USP54: variants seen among roughly 807,000 people sequenced by gnomAD.
USP54 encodes ubiquitin specific peptidase 54.
In USP54, 87 loss-of-function variants were observed where a neutral mutation model predicts 170.5. The ratio of observed to expected loss-of-function variants is 0.51; its 90% CI spans 0.43 to 0.61. The LOEUF is 0.61. Among genes scored for constraint, USP54 ranks in the 20% least tolerant of loss-of-function variants. The pLI is 0.00. For synonymous variants in USP54, 655 were observed against 742.8 expected (o/e 0.88, Z 1.92); for missense variants, 1,786 against 2,047.8 (o/e 0.87, Z 2.47).
intron 18 of USP54, 148 bp downstream of exon 18, chr10:73,520,760 G>A (rs1238550453): frequency 9.1e-7 from 1 of 1,096,578 alleles, no homozygotes; most frequent in Non-Finnish European, 1.3e-6. Flanking sequence ...GAAATCAAAG[G>A]GCAAAAACAG....
chr10:73,550,293 T>C (rs1242788505), intron 4 of USP54, among the ~76,000 whole-genome samples: 2 of 152,280 alleles, frequency 1.3e-5, no homozygotes, highest in East Asian at 3.9e-4. Context: ...ACCATGTATA[T>C]CTCTGCACTT....
Position 73,516,609 on chromosome 10 carries a change from G to A in USP54, c.3817C>T (p.Gln1273Ter). ...WVNITRFCDSQLKHGAPRPGM... is the reference protein window; with the variant it reads ...WVNITRFCDS ...GGCCTAGGTGCCCCATGCTTAAGCTGAGAATCACAGAACCTTGTGATATTC... is the reference window on the plus strand; with the variant it reads ...GGCCTAGGTGCCCCATGCTTAAGCTAAGAATCACAGAACCTTGTGATATTC... Residue 1273 changes from glutamine to a stop codon, truncating the protein, a stop_gained, in exon 20 of 24, where the codon CAG becomes TAG. Coordinates refer to ENST00000687698, the MANE Select transcript of USP54 (RefSeq NM_001391956.1). LOFTEE classifies it high-confidence loss of function. The A allele has an allele frequency of 6.2e-7, 1 of 1,614,214 alleles. No homozygotes were observed. Among genetic ancestry groups the A allele is most frequent in the African/African-American group, 1.3e-5 (1 of 75,046 alleles).
At chr10:73,510,774 T>C (rs1057024560) in intron 20 of USP54, among the ~76,000 whole-genome samples, 1 of 152,158 alleles carries the variant, frequency 6.6e-6, no homozygotes, top group Non-Finnish European at 1.5e-5. Flanking sequence ...CTTTTGAATA[T>C]ATTTGAAATT....
rs2057410097 is a variant in USP54 at position 73,498,608 on chromosome 10, A to G, written c.*21T>C. 6.6e-7 allele frequency: 1 copy of G among 1,511,172 alleles called. No homozygotes were observed. The highest frequency in any genetic ancestry group is 2.3e-5 in the East Asian group (1 of 43,770). The allele number at this position is 1,511,172 out of a possible 1,614,324, so 93.6% of individuals were successfully genotyped here. ...GTTTTACAAAGAAAGGTGTAGCTCCAGGAAAGGAAAGGAATAACCTTTACC... is the reference window on the plus strand; with the variant it reads ...GTTTTACAAAGAAAGGTGTAGCTCCGGGAAAGGAAAGGAATAACCTTTACC... On this transcript the variant is annotated 3_prime_UTR_variant, in exon 24 of 24. Transcript: ENST00000687698.
chr10:73,501,014 C>G (rs375314786), intron 22 of USP54, among the ~76,000 whole-genome samples, 176 bp from the exon 23 acceptor site: 1 of 152,104 alleles, frequency 6.6e-6, no homozygotes, highest in African/African-American at 2.4e-5. Context: ...CCCTGCTAGC[C>G]CTCTAAGAAA....
intron 20 of USP54, among the ~76,000 whole-genome samples, chr10:73,511,688 G>A (rs1424417729): frequency 2.6e-5 from 4 of 151,070 alleles, no homozygotes; most frequent in African/African-American, 9.7e-5. Flanking sequence ...AAAAAGTAAT[G>A]TAATTTGGTG....
At chr10:73,544,612 C>T (rs1378846412) in intron 5 of USP54, among the ~76,000 whole-genome samples, 1 of 152,168 alleles carries the variant, frequency 6.6e-6, no homozygotes, top group East Asian at 1.9e-4. Context: ...TTTACATTCC[C>T]ACCAGCAATA....
intron 10 of USP54, 137 bp downstream of exon 10, chr10:73,539,307 A>T (rs529894537): frequency 0.035 from 9,818 of 279,966 alleles, 401 homozygotes; most frequent in African/African-American, 0.12. Context: ...AAAAAAAAAA[A>T]ATATATATAT....
chr10:73,574,479 T>G (rs2075786951), intron 3 of USP54, among the ~76,000 whole-genome samples: 1 of 152,082 alleles, frequency 6.6e-6, no homozygotes, highest in South Asian at 2.1e-4. Context: ...ATAACACACC[T>G]TACTCCCGAA....
At chr10:73,529,295 G>A (rs1198051943) in intron 15 of USP54, 3 of 254,540 alleles carry the variant, frequency 1.2e-5, no homozygotes, top group Non-Finnish European at 2.4e-5. Flanking sequence ...CAGGCCTATC[G>A]GAGGGTGGAG....
At chr10:73,515,481 T>G (rs941134157) in intron 20 of USP54, among the ~76,000 whole-genome samples, 1 of 152,200 alleles carries the variant, frequency 6.6e-6, no homozygotes, top group Non-Finnish European at 1.5e-5. Context: ...GCACTTCAGG[T>G]GCAGGCTCTA....
chr10:73,541,659 T>C lies in USP54; in HGVS notation c.652A>G (p.Thr218Ala). 6.2e-7 allele frequency: 1 copy of C among 1,614,186 alleles called. No individual in the cohort carries two copies. The highest frequency in any genetic ancestry group is 8.5e-7 in the Non-Finnish European group (1 of 1,180,010). ...GGACAGTTCCGCAGATCCCCCATGGTGCTGGCATTCTGCAGCAGCTCACCA... is the reference window on the plus strand; with the variant it reads ...GGACAGTTCCGCAGATCCCCCATGGCGCTGGCATTCTGCAGCAGCTCACCA... Reference protein sequence around the residue: ...MFGELLQNASTMGDLRNCPSN... With the variant: ...MFGELLQNASAMGDLRNCPSN... The change falls in exon 8 of 24, where the codon ACC (threonine) becomes GCC (alanine). Residue 218 changes from threonine to alanine, a missense_variant. Transcript: ENST00000687698.
chr10:73,537,469 T>C (rs2065466001), intron 10 of USP54, among the ~76,000 whole-genome samples: 1 of 152,154 alleles, frequency 6.6e-6, no homozygotes. Context: ...TCCTAACTCA[T>C]GCAGATCACA....
At chr10:73,608,265 CA>C (rs200584076) in intron 1 of USP54, among the ~76,000 whole-genome samples, 1 of 150,342 alleles carries the variant, frequency 6.7e-6, no homozygotes, top group Non-Finnish European at 1.5e-5. Context: ...ATCTCAAAAA[CA>C]AAAAAAACAA....
Position 73,591,306 on chromosome 10 carries a change from G to C in USP54, c.-610C>G, listed in dbSNP as rs957447181. ...ACAGCACAGTCAACCTCCAGCAAAA[G>C]ACCTCTAATCACGAGGGTATCTGTG... On this transcript the variant is annotated 5_prime_UTR_variant, in exon 1 of 24. Coordinates refer to ENST00000687698, the MANE Select transcript of USP54 (RefSeq NM_001391956.1). 1 of 151,968 alleles carries C rather than the reference G, an allele frequency of 6.6e-6. No homozygotes were observed. Among genetic ancestry groups the C allele is most frequent in the Non-Finnish European group, 1.5e-5 (1 of 68,034 alleles). The allele number at this position is 151,968 out of a possible 1,614,324, so 9.4% of individuals were successfully genotyped here. A position where few individuals can be genotyped will look rare whatever the true frequency, so the allele number is the denominator to read the frequency against.
chr10:73,612,733 C>T (rs2080247060), intron 1 of USP54, among the ~76,000 whole-genome samples: 2 of 144,768 alleles, frequency 1.4e-5, no homozygotes, highest in Non-Finnish European at 3.0e-5. Flanking sequence ...CCCACTTACT[C>T]AGGAAGCTGA....
rs560125879 is a variant in USP54, at chr10:73,581,680, C to G, written c.-581-5319G>C. Among the ~76,000 whole-genome samples, 8 of 152,134 alleles carry G rather than the reference C, an allele frequency of 5.3e-5. No individual in the cohort carries two copies. In the East Asian group the frequency reaches 1.3e-3, roughly 26 times the overall value. ...TTGAGAAAATACATAATTCAAAAAG[C>G]TACTTTGAATTCAGTAATACTAATA... On this transcript the variant is annotated intron_variant, in intron 1 of 23. Transcript: ENST00000687698.
intron 1 of USP54, among the ~76,000 whole-genome samples, chr10:73,580,402 T>C (rs559059637): frequency 6.6e-6 from 1 of 151,258 alleles, no homozygotes; most frequent in South Asian, 2.1e-4. Flanking sequence ...AAATATATAG[T>C]CATGAGCTGT....
chr10:73,543,301 A>T (rs756335535), intron 5 of USP54, among the ~76,000 whole-genome samples, 170 bp from the exon 6 acceptor site: 3 of 152,300 alleles, frequency 2.0e-5, no homozygotes, highest in South Asian at 2.1e-4. Context: ...AGTTTCAAAA[A>T]TGTATAGGAG....
Sources: allele counts gnomAD v4.1 joint callset (sites outside exome capture counted in the v4.1 genomes callset), GRCh38; gene constraint gnomAD v4.1.1; transcripts MANE v1.5; gene names NCBI Gene and HGNC (gene_info 2026-07-23, HGNC 2026-07-21).